Variants in UNC79 observed in about 807,000 individuals in gnomAD.
The protein encoded by UNC79 is unc-79 subunit of NALCN channel complex, also known as protein unc-79 homolog.
Under a neutral mutation model 283.1 loss-of-function variants are expected in UNC79, and 37 were observed. The ratio of observed to expected loss-of-function variants is 0.13; its 90% CI spans 0.10 to 0.17. The LOEUF is 0.17. Ranked by LOEUF, UNC79 falls within the 10% of genes least tolerant of loss-of-function variation. The pLI, the probability that UNC79 is intolerant of heterozygous loss-of-function variation, is 1.00. For missense variants in UNC79, 2,272 were observed against 3,211.1 expected (o/e 0.71, Z 7.07); for synonymous variants, 1,107 against 1,200.2 (o/e 0.92, Z 1.61).
rs138539408 is a variant in UNC79 at position 93,439,724 on chromosome 14, C to T, written c.22+8673C>T. On this transcript the variant is annotated intron_variant, in intron 1 of 48. Transcript: ENST00000555664. ...AGAGTTCCCCTGTAAAACAATCTGG[C>T]CTGTGCTTTTTTTGTAGTGGAACTC... Among the ~76,000 whole-genome samples the T allele has an allele frequency of 4.4e-3, 672 of 152,090 alleles. 7 individuals are homozygous for T. Among genetic ancestry groups the T allele is most frequent in the African/African-American group, 0.016 (655 of 41,484 alleles).
intron 1 of UNC79, among the ~76,000 whole-genome samples, chr14:93,409,750 A>T (rs1451885031): frequency 6.6e-6 from 1 of 152,202 alleles, no homozygotes; most frequent in Non-Finnish European, 1.5e-5. Context: ...ATGGAAAGAG[A>T]CATCATTCCT....
intron 18 of UNC79, among the ~76,000 whole-genome samples, chr14:93,579,766 C>G (rs1202057255): frequency 1.3e-5 from 2 of 152,148 alleles, no homozygotes; most frequent in South Asian, 4.1e-4. Context: ...TCCAAGGAGC[C>G]CTGGTTCCTT....
At chr14:93,378,727 T>C (rs945270000) in intron 1 of UNC79, among the ~76,000 whole-genome samples, 1 of 152,336 alleles carries the variant, frequency 6.6e-6, no homozygotes, top group East Asian at 1.9e-4. Context: ...ATGTTGGTAC[T>C]CAAAAAATTT....
At position 93,593,690 on chromosome 14, in the gene UNC79, G is replaced by T; in HGVS notation, c.3043G>T (p.Val1015Phe). 1 of 1,611,810 alleles carries T rather than the reference G, an allele frequency of 6.2e-7. No individual in the cohort carries two copies. The highest frequency in any genetic ancestry group is 8.5e-7 in the Non-Finnish European group (1 of 1,179,104). The change falls in exon 23 of 49, where the codon GTC (valine) becomes TTC (phenylalanine). Residue 1015 changes from valine to phenylalanine, a missense_variant. Physicochemically the swap from Val to Phe is conservative, Grantham distance 50 (BLOSUM62 -1). Coordinates refer to ENST00000555664, the Ensembl canonical transcript of UNC79. ...TCCTTGATTCCCTAGCCTGTGGAGG[G>T]TCGTCAAATCCGAGTTCTCTCAGCT...
chr14:93,611,455 T>G (rs1293118979), intron 26 of UNC79, among the ~76,000 whole-genome samples: 1 of 152,244 alleles, frequency 6.6e-6, no homozygotes, highest in Non-Finnish European at 1.5e-5. Context: ...TTACCTTATG[T>G]GCAGGTCTGA....
At chr14:93,350,436 TAAAAAGA>T (rs1259488126) in intron 1 of UNC79, among the ~76,000 whole-genome samples, 5 of 152,130 alleles carry the variant, frequency 3.3e-5, no homozygotes, top group African/African-American at 1.2e-4. Flanking sequence ...TGGTTATTTT[TAAAAAGA>T]ACTGTAATGT....
At chr14:93,408,929 A>T (rs1463275171) in intron 1 of UNC79, among the ~76,000 whole-genome samples, 1 of 152,178 alleles carries the variant, frequency 6.6e-6, no homozygotes, top group Admixed American at 6.5e-5. Flanking sequence ...ATAGAAGGAA[A>T]CTTCCTCAAC....
At chr14:93,353,589 A>G (rs887758118) in intron 1 of UNC79, among the ~76,000 whole-genome samples, 1 of 152,212 alleles carries the variant, frequency 6.6e-6, no homozygotes, top group African/African-American at 2.4e-5. Flanking sequence ...ACCCTGTCCC[A>G]TATCGTTCTC....
At chr14:93,452,036 GA>G (rs1056917109) in intron 1 of UNC79, among the ~76,000 whole-genome samples, 4 of 152,134 alleles carry the variant, frequency 2.6e-5, no homozygotes, top group Non-Finnish European at 5.9e-5. Flanking sequence ...TCCTGACCCA[GA>G]ACCTTTCTCT....
At chr14:93,442,186 G>T (rs2056323555) in intron 1 of UNC79, among the ~76,000 whole-genome samples, 1 of 151,952 alleles carries the variant, frequency 6.6e-6, no homozygotes, top group Non-Finnish European at 1.5e-5. Context: ...GGGTCATGCT[G>T]AAATGATTGC....
intron 1 of UNC79, among the ~76,000 whole-genome samples, chr14:93,391,014 T>C (rs2054871803): frequency 1.3e-5 from 2 of 152,218 alleles, no homozygotes; most frequent in Admixed American, 1.3e-4. Flanking sequence ...GCTAAAACAC[T>C]TCTGAAGAAA....
chr14:93,542,733 G>A, intron 14 of UNC79, 37 bp downstream of exon 14: 2 of 1,607,876 alleles, frequency 1.2e-6, no homozygotes, highest in Non-Finnish European at 1.7e-6. Flanking sequence ...TTGTTAGAGA[G>A]GAGGACTTGG....
intron 47 of UNC79, among the ~76,000 whole-genome samples, chr14:93,703,149 C>T (rs1371516426): frequency 6.6e-6 from 1 of 152,128 alleles, no homozygotes; most frequent in Non-Finnish European, 1.5e-5. Flanking sequence ...TGACTGTCTC[C>T]CCTCCCCGAC....
rs573770932 is a variant in UNC79, at chr14:93,702,673, CCTT to C, written c.7549-1950_7549-1948del. Among the ~76,000 whole-genome samples, 527 of 152,356 alleles carry C rather than the reference CCTT, an allele frequency of 3.5e-3. 3 individuals are homozygous for C. The highest frequency in any genetic ancestry group is 0.012 in the African/African-American group (514 of 41,580). ...ACTGTCCCCCATCCCAAAAAGCTCT[CCTT>C]CGTCTTTGGTTTTGTTCATTACATC... On this transcript the variant is annotated intron_variant, in intron 47 of 48. Transcript: ENST00000555664.
At chr14:93,608,573 C>T (rs115657657) in intron 26 of UNC79, among the ~76,000 whole-genome samples, 1 of 152,306 alleles carries the variant, frequency 6.6e-6, no homozygotes, top group South Asian at 2.1e-4. Context: ...GGTAAGGAAG[C>T]AGGGAGATGA....
At chr14:93,493,886 TA>T (rs2058863304) in intron 5 of UNC79, among the ~76,000 whole-genome samples, 4 of 62,076 alleles carry the variant, frequency 6.4e-5, no homozygotes, top group Non-Finnish European at 7.0e-5. Context: ...TATATATATA[TA>T]TATATATATA....
At chr14:93,419,984 A>C (rs1363003184) in intron 1 of UNC79, among the ~76,000 whole-genome samples, 1 of 151,620 alleles carries the variant, frequency 6.6e-6, no homozygotes, top group Non-Finnish European at 1.5e-5. Context: ...AAAAACTAAA[A>C]TAAGTAAATC....
At chr14:93,513,917 TC>T (rs1439194784) in intron 7 of UNC79, among the ~76,000 whole-genome samples, 1 of 152,214 alleles carries the variant, frequency 6.6e-6, no homozygotes, top group East Asian at 1.9e-4. Flanking sequence ...AGCATTATCT[TC>T]AATATTTGTG....
chr14:93,487,243 A>C (rs542468189), intron 4 of UNC79, among the ~76,000 whole-genome samples: 4 of 152,326 alleles, frequency 2.6e-5, no homozygotes, highest in Non-Finnish European at 5.9e-5. Context: ...ATCTCTAAAA[A>C]TTAATACATT....
Sources: allele counts gnomAD v4.1 joint callset (sites outside exome capture counted in the v4.1 genomes callset), GRCh38; gene constraint gnomAD v4.1.1; transcripts MANE v1.5; gene names NCBI Gene and HGNC (gene_info 2026-07-23, HGNC 2026-07-21).